The following ANXA8 variants were observed in gnomAD, a reference collection of about 807,000 sequenced individuals.
ANXA8 encodes VAC-beta.
ANXA8 carries 9 observed loss-of-function variants against 26.8 expected under a neutral mutation model. That is an observed-to-expected ratio of 0.34 (90% CI 0.20 to 0.59). The LOEUF (loss-of-function observed/expected upper bound fraction) is 0.59. ANXA8 is among the 20% of genes least tolerant of loss of function. The pLI, the probability that ANXA8 is intolerant of heterozygous loss-of-function variation, is 0.84. For missense variants in ANXA8, 83 were observed against 238.5 expected (o/e 0.35, Z 4.29); for synonymous variants, 39 against 94.8 (o/e 0.41, Z 3.42).
chr10:47,607,964 TTTA>T, the ANXA8 span, among the ~76,000 whole-genome samples: 3 of 142,008 alleles, frequency 2.1e-5, no homozygotes, highest in African/African-American at 8.5e-5. Flanking sequence ...CAATAAAAAT[TTTA>T]TTATTGTAGT....
At chr10:47,485,193 C>T (rs1490103066), upstream of ANXA8, among the ~76,000 whole-genome samples, 15 of 152,222 alleles carry the variant, frequency 9.9e-5, no homozygotes, top group African/African-American at 1.4e-4. Flanking sequence ...TTCATCCAAG[C>T]GATTTGGTTA....
At chr10:47,771,544 T>G in the ANXA8 span, among the ~76,000 whole-genome samples, 1 of 151,790 alleles carries the variant, frequency 6.6e-6, no homozygotes, top group Non-Finnish European at 1.5e-5. Flanking sequence ...AATTATTTAT[T>G]CTTTACAACC....
chr10:47,753,130 A>G, the ANXA8 span: 2 of 980,548 alleles, frequency 2.0e-6, no homozygotes, highest in Admixed American at 6.2e-5. Flanking sequence ...ATAAAAAAAA[A>G]AAAGAAAAAG....
the ANXA8 span, among the ~76,000 whole-genome samples, chr10:47,767,447 G>A: frequency 6.6e-6 from 1 of 152,280 alleles, no homozygotes; most frequent in Non-Finnish European, 1.5e-5. Flanking sequence ...GCTCCCTCCT[G>A]CCCCTGGGCG....
the ANXA8 span, among the ~76,000 whole-genome samples, chr10:47,958,986 T>A: frequency 6.7e-6 from 1 of 150,204 alleles, no homozygotes; most frequent in Non-Finnish European, 1.5e-5. Context: ...CCAAATCATA[T>A]CAACGATGTT....
chr10:47,474,485 G>T (rs1839439709), intron 7 of ANXA8, 87 bp from the exon 8 acceptor site: 8 of 897,312 alleles, frequency 8.9e-6, no homozygotes, highest in Non-Finnish European at 1.1e-5. Context: ...TGTGGCCATG[G>T]CCTGGCCCTG....
the ANXA8 span, among the ~76,000 whole-genome samples, chr10:47,733,195 T>TTCTTTCTCTCTCTCTCTCTCTCTC: frequency 9.0e-6 from 1 of 111,386 alleles, no homozygotes; most frequent in African/African-American, 3.3e-5. Context: ...CTTTCTTTCT[T>TTCTTTCTCTCTCTCTCTCTCTCTC]TCTTTCTTTC....
the ANXA8 span, among the ~76,000 whole-genome samples, chr10:47,951,682 A>T: frequency 6.7e-6 from 1 of 150,042 alleles, no homozygotes; most frequent in South Asian, 2.1e-4. Flanking sequence ...GTGGTGGTGT[A>T]CGCATGTAAT....
At chr10:47,691,063 T>C in the ANXA8 span, 1 of 1,610,784 alleles carries the variant, frequency 6.2e-7, no homozygotes, top group African/African-American at 1.3e-5. Flanking sequence ...CTCCATGCCA[T>C]GTGAAGGAAA....
chr10:47,975,017 G>A, the ANXA8 span, among the ~76,000 whole-genome samples: 15 of 149,906 alleles, frequency 1.0e-4, no homozygotes, highest in African/African-American at 2.4e-4. Flanking sequence ...CAGGCCATAA[G>A]ACAAGATGTG....
chr10:47,488,796 C>T (rs1374421581), upstream of ANXA8, among the ~76,000 whole-genome samples: 10 of 124,860 alleles, frequency 8.0e-5, no homozygotes, highest in East Asian at 2.6e-4. Context: ...GTCGCGATCT[C>T]GGCTCACTGC....
At chr10:47,586,396 GT>G in the ANXA8 span, among the ~76,000 whole-genome samples, 6 of 145,800 alleles carry the variant, frequency 4.1e-5, no homozygotes, top group Non-Finnish European at 8.8e-5. Context: ...CCACTTCCTT[GT>G]GCTGGATTCA....
At position 47,476,312 on chromosome 10, in the gene ANXA8, G is replaced by T; in HGVS notation, c.332C>A (p.Thr111Asn). 2 of 433,332 alleles carry T rather than the reference G, an allele frequency of 4.6e-6. No homozygotes were observed. The highest frequency in any genetic ancestry group is 7.0e-6 in the Non-Finnish European group (2 of 284,318). The allele number at this position is 433,332 out of a possible 1,614,324, so 26.8% of individuals were successfully genotyped here. ...ELHDAMKGLG[T>N]KEGVIIEILA... ...GATCTCAATGATGACACCCTCCTTG[G>T]TTCCTAAGCCCTGTGGACAGAAACC... Residue 111 changes from threonine to asparagine, a missense_variant, in exon 5 of 12, where the codon ACC becomes AAC. Around this residue, in one of 6 missense-constraint regions of ANXA8, gnomAD observed 16 missense variants for 16.3 expected, o/e 0.98. Coordinates refer to ENST00000585281, the MANE Select transcript of ANXA8 (RefSeq NM_001040084.3).
the ANXA8 span, among the ~76,000 whole-genome samples, chr10:47,944,869 C>G: frequency 1.4e-5 from 2 of 145,758 alleles, no homozygotes; most frequent in African/African-American, 5.3e-5. Flanking sequence ...CACCCACCCC[C>G]ACCCCTCAAC....
chr10:47,704,321 C>T, the ANXA8 span, among the ~76,000 whole-genome samples: 18 of 142,464 alleles, frequency 1.3e-4, 1 homozygote, highest in Admixed American at 1.1e-3. Context: ...GAGCTGTATA[C>T]GATCATCTCA....
At chr10:47,482,882 CAG>C in intron 1 of ANXA8, among the ~76,000 whole-genome samples, 1 of 147,744 alleles carries the variant, frequency 6.8e-6, no homozygotes, top group South Asian at 2.2e-4. Flanking sequence ...TGGGGCTGGG[CAG>C]AGAGACCCAA....
the ANXA8 span, among the ~76,000 whole-genome samples, chr10:47,548,697 G>A: frequency 1.3e-5 from 2 of 148,556 alleles, no homozygotes; most frequent in Admixed American, 6.9e-5. Flanking sequence ...TTTTCCACAC[G>A]CTGAGTACTA....
the ANXA8 span, among the ~76,000 whole-genome samples, chr10:47,961,163 TA>T: frequency 2.7e-5 from 4 of 145,842 alleles, no homozygotes; most frequent in Non-Finnish European, 6.0e-5. Context: ...CCAGGACAGC[TA>T]AAATGTGTGG....
the ANXA8 span, among the ~76,000 whole-genome samples, chr10:47,516,816 G>A: frequency 3.5e-4 from 45 of 129,960 alleles, 9 homozygotes; most frequent in African/African-American, 1.6e-3. Context: ...TTAGAAAATA[G>A]GCAAATGAAT....
Sources: allele counts gnomAD v4.1 joint callset (sites outside exome capture counted in the v4.1 genomes callset), GRCh38; gene constraint gnomAD v4.1.1; regional missense constraint gnomAD v4.1.1; transcripts MANE v1.5; gene names NCBI Gene and HGNC (gene_info 2026-07-23, HGNC 2026-07-21).